OAT: variants seen among roughly 807,000 people sequenced by gnomAD.
The protein encoded by OAT is ornithine aminotransferase, mitochondrial.
Under a neutral mutation model 48.4 loss-of-function variants are expected in OAT, and 35 were observed. The ratio of observed to expected loss-of-function variants is 0.72; its 90% CI spans 0.55 to 0.96. The LOEUF (loss-of-function observed/expected upper bound fraction) is 0.96, where lower values mean the gene tolerates loss of function less well. Among genes scored for constraint, OAT ranks in the 40% least tolerant of loss-of-function variants. The pLI, the probability that OAT is intolerant of heterozygous loss-of-function variation, is 0.00. For missense variants in OAT, 438 were observed against 537.9 expected, an observed-to-expected ratio of 0.81 and a Z score of 1.84; for synonymous variants, 182 against 198.4, an observed-to-expected ratio of 0.92 and a Z score of 0.70.
chr10:124,399,197 C>T (rs914078111), intron 9 of OAT, among the ~76,000 whole-genome samples: 3 of 152,008 alleles, frequency 2.0e-5, no homozygotes, highest in East Asian at 1.9e-4. Context: ...ATTATAGCAG[C>T]GATTCTCAAC....
chr10:124,402,842 T>C, intron 7 of OAT, 85 bp downstream of exon 7: 1 of 1,549,002 alleles, frequency 6.5e-7, no homozygotes, highest in East Asian at 2.2e-5. Flanking sequence ...GAAAGCATTG[T>C]TGTCACAATC....
At position 124,402,987 on chromosome 10, in the gene OAT, A is replaced by G. The variant is rs780160768; in HGVS notation, c.840T>C (p.Tyr280=). The G allele has an allele frequency of 1.2e-6, 2 of 1,614,186 alleles. No individual in the cohort carries two copies. Among genetic ancestry groups the G allele is most frequent in the Non-Finnish European group, 1.7e-6 (2 of 1,180,022 alleles). ...GGACTATATCAGGTCTGACATTTTC[A>G]TAATCAACAGCCAGCCATCTACCAG... The part of the protein sequence containing the change: ...ARTGRWLAVD[Y]ENVRPDIVLL... Residue 280 remains tyrosine, a synonymous_variant, in exon 7 of 10, where the codon TAT becomes TAC. Coordinates refer to ENST00000368845, the MANE Select transcript of OAT (RefSeq NM_000274.4).
rs112077478 is a variant in OAT, at chr10:124,400,582, A to G, written c.1159+258T>C. Among the ~76,000 whole-genome samples the G allele has an allele frequency of 0.1, 15,496 of 151,694 alleles. 885 individuals carry two copies. Among genetic ancestry groups the G allele is most frequent in the African/African-American group, 0.15 (6,006 of 41,352 alleles). ...AGCCTGGCCAACATTATGAAACCCCATCTCTATTAAAAATATAAAGATTAG... is the reference window on the plus strand; with the variant it reads ...AGCCTGGCCAACATTATGAAACCCCGTCTCTATTAAAAATATAAAGATTAG... On this transcript the variant is annotated intron_variant, in intron 9 of 9. Transcript: ENST00000368845.
At chr10:124,398,796 C>G (rs1355178368) in intron 9 of OAT, among the ~76,000 whole-genome samples, 2 of 151,966 alleles carry the variant, frequency 1.3e-5, no homozygotes, top group Admixed American at 6.6e-5. Context: ...GTGGGCAGAT[C>G]ATGAGGTCAA....
At chr10:124,405,701 A>G in intron 4 of OAT, 138 bp from the exon 5 acceptor site, 38 of 1,507,410 alleles carry the variant, frequency 2.5e-5, no homozygotes, top group Non-Finnish European at 2.0e-5. Context: ...GTGGGCTTTC[A>G]ATTGTTAAAA....
At chr10:124,405,221 A>C (rs111950540) in intron 5 of OAT, among the ~76,000 whole-genome samples, 2 of 152,200 alleles carry the variant, frequency 1.3e-5, no homozygotes, top group African/African-American at 4.8e-5. Context: ...ACACACATCT[A>C]AAGTAGTTGG....
intron 9 of OAT, among the ~76,000 whole-genome samples, chr10:124,400,027 CT>C (rs1339052563): frequency 6.6e-6 from 1 of 152,126 alleles, no homozygotes; most frequent in African/African-American, 2.4e-5. Context: ...TTAAATGTGC[CT>C]TCATTTAGAA....
intron 4 of OAT, among the ~76,000 whole-genome samples, chr10:124,408,315 GTGTATA>G (rs1329329551): frequency 3.0e-5 from 2 of 65,682 alleles, no homozygotes; most frequent in Admixed American, 1.7e-4. Context: ...GTGTGTGTGT[GTGTATA>G]TATATATATA....
intron 1 of OAT, among the ~76,000 whole-genome samples, 170 bp from the exon 2 acceptor site, chr10:124,412,370 G>A (rs1564740449): frequency 1.3e-5 from 2 of 151,714 alleles, no homozygotes; most frequent in Non-Finnish European, 2.9e-5. Context: ...AATTAGCTGG[G>A]TGTAGTGGTA....
intron 6 of OAT, chr10:124,403,483 A>G: frequency 2.3e-6 from 1 of 440,330 alleles, no homozygotes; most frequent in Non-Finnish European, 4.2e-6. Context: ...AATACAACAA[A>G]GGGCTTGCGG....
At position 124,403,854 on chromosome 10, in the gene OAT, C is replaced by A. The variant is rs888000341; in HGVS notation, c.715G>T (p.Val239Phe). The stretch of plus-strand genomic sequence containing the variant: ...ATTAGGTAACCTGGATCCGGAACAA[C>A]AACGCCTGCTTCACCCTGAATTGGT... ...VEPIQGEAGVVVPDPGYLMGV... is the reference protein window; with the variant it reads ...VEPIQGEAGVFVPDPGYLMGV... The change falls in exon 6 of 10, where the codon GTT becomes TTT. Residue 239 changes from valine (V) to phenylalanine (F), a missense_variant. Val to Phe is a conservative substitution (Grantham distance 50). Coordinates refer to ENST00000368845, the MANE Select transcript of OAT (RefSeq NM_000274.4). The A allele has an allele frequency of 2.5e-6, 4 of 1,614,034 alleles. No individual in the cohort carries two copies. Among genetic ancestry groups the A allele is most frequent in the Non-Finnish European group, 3.4e-6 (4 of 1,180,006 alleles).
At chr10:124,414,685 A>G (rs1951863013) in intron 1 of OAT, among the ~76,000 whole-genome samples, 1 of 152,224 alleles carries the variant, frequency 6.6e-6, no homozygotes, top group Non-Finnish European at 1.5e-5. Context: ...TTTACTCAGT[A>G]TGAATAAATT....
intron 2 of OAT, among the ~76,000 whole-genome samples, chr10:124,410,902 G>A (rs1020951059): frequency 6.6e-6 from 1 of 152,074 alleles, no homozygotes; most frequent in Non-Finnish European, 1.5e-5. Flanking sequence ...CACTTTGGGA[G>A]GCTGAGGTGG....
At chr10:124,402,153 G>A (rs956200576) in intron 7 of OAT, among the ~76,000 whole-genome samples, 1 of 152,064 alleles carries the variant, frequency 6.6e-6, no homozygotes, top group Non-Finnish European at 1.5e-5. Context: ...GCCTGCCTCG[G>A]CCTCCCAAAG....
intron 1 of OAT, chr10:124,414,380 T>A (rs898268661): frequency 6.6e-6 from 1 of 152,224 alleles, no homozygotes; most frequent in African/African-American, 2.4e-5. Context: ...CAGTCTAGAA[T>A]ACAGATTTTT....
Position 124,412,090 on chromosome 10 carries a change from C to G in OAT, c.82G>C (p.Val28Leu). 1 of 1,614,096 alleles carries G rather than the reference C, an allele frequency of 6.2e-7. No homozygotes were observed. Among genetic ancestry groups the G allele is most frequent in the Non-Finnish European group, 8.5e-7 (1 of 1,180,006 alleles). The change falls in exon 2 of 10, where the codon GTT becomes CTT. Residue 28 changes from valine to leucine, a missense_variant. Val to Leu is a conservative substitution (Grantham distance 32, BLOSUM62 1). Coordinates refer to ENST00000368845, the MANE Select transcript of OAT (RefSeq NM_000274.4). ...CCTTGGACTGTTTTTTTAGTTGCAA[C>G]AGATGTAGCAGAAGCCACTGAAGAA... ...VHSSVASATS[V>L]ATKKTVQGPP...
chr10:124,408,250 C>T (rs1408687846), intron 4 of OAT, among the ~76,000 whole-genome samples: 4 of 144,500 alleles, frequency 2.8e-5, no homozygotes, highest in Non-Finnish European at 3.0e-5. Flanking sequence ...TAAATTTACA[C>T]ATATATATAT....
chr10:124,418,716 G>T (rs2134515725), intron 1 of OAT, among the ~76,000 whole-genome samples, 157 bp downstream of exon 1: 1 of 152,190 alleles, frequency 6.6e-6, no homozygotes, highest in East Asian at 1.9e-4. Flanking sequence ...CTGAAGCGGG[G>T]CTCGTTCCCC....
chr10:124,408,282 T>G (rs1374698793), intron 4 of OAT, among the ~76,000 whole-genome samples: 1 of 120,172 alleles, frequency 8.3e-6, no homozygotes, highest in East Asian at 2.6e-4. Flanking sequence ...ATAAAATATA[T>G]AAGTGTGTGT....
Sources: allele counts gnomAD v4.1 joint callset (sites outside exome capture counted in the v4.1 genomes callset), GRCh38; gene constraint gnomAD v4.1.1; transcripts MANE v1.5; gene names NCBI Gene and HGNC (gene_info 2026-07-23, HGNC 2026-07-21).